WDFY3: variants seen among roughly 807,000 people sequenced by gnomAD.
WDFY3 encodes the protein WD repeat and FYVE domain containing 3.
A neutral mutation model predicts 409.6 loss-of-function variants in WDFY3; 66 were observed. The observed-to-expected ratio is 0.16, with a 90% CI of 0.13 to 0.20. The LOEUF is 0.20. WDFY3 is among the 10% of genes least tolerant of loss of function. WDFY3 has a pLI of 1.00. For missense variants in WDFY3, 3,031 were observed against 4,298.1 expected, an observed-to-expected ratio of 0.71 and a Z score of 8.24; for synonymous variants, 1,521 against 1,537.1, an observed-to-expected ratio of 0.99 and a Z score of 0.25.
intron 33 of WDFY3, 93 bp from the exon 34 acceptor site, chr4:84,755,493 A>T (rs563568745): frequency 7.0e-7 from 1 of 1,431,900 alleles, no homozygotes; most frequent in East Asian, 2.4e-5. Flanking sequence ...CTTTGAAACT[A>T]GTTTTTTGTT....
chr4:84,927,688 G>A (rs1462836014), intron 2 of WDFY3, among the ~76,000 whole-genome samples: 1 of 152,134 alleles, frequency 6.6e-6, no homozygotes, highest in Non-Finnish European at 1.5e-5. Flanking sequence ...GGTTTTATAA[G>A]TGTCTGGCAT....
intron 2 of WDFY3, among the ~76,000 whole-genome samples, chr4:84,911,995 G>T (rs942607003): frequency 6.6e-6 from 1 of 152,182 alleles, no homozygotes; most frequent in African/African-American, 2.4e-5. Flanking sequence ...CTCAAATGTT[G>T]CGAGTATTCA....
intron 19 of WDFY3, 44 bp downstream of exon 19, chr4:84,796,477 G>T: frequency 7.9e-7 from 1 of 1,270,554 alleles, no homozygotes; most frequent in South Asian, 2.1e-5. Flanking sequence ...AGGCAAGTAT[G>T]ACGCATAAAA....
intron 32 of WDFY3, among the ~76,000 whole-genome samples, chr4:84,762,036 A>G (rs1488889099): frequency 1.3e-5 from 2 of 152,190 alleles, no homozygotes; most frequent in African/African-American, 4.8e-5. Context: ...TAGTTCAACC[A>G]TTGTGGAAGT....
intron 21 of WDFY3, among the ~76,000 whole-genome samples, chr4:84,791,384 G>A (rs192648427): frequency 3.3e-5 from 5 of 152,110 alleles, no homozygotes; most frequent in Non-Finnish European, 7.4e-5. Context: ...AATGTTGGTC[G>A]CCAAGGGCTT....
intron 45 of WDFY3, 53 bp from the exon 46 acceptor site, chr4:84,724,647 C>A: frequency 6.4e-7 from 1 of 1,573,940 alleles, no homozygotes. Flanking sequence ...AGAATTAAAA[C>A]GTAATATTCT....
intron 16 of WDFY3, among the ~76,000 whole-genome samples, chr4:84,802,622 A>G (rs1295752660): frequency 6.6e-6 from 1 of 152,208 alleles, no homozygotes; most frequent in African/African-American, 2.4e-5. Flanking sequence ...CATTCAGATA[A>G]GTAACTTGCT....
rs756084147 is a variant in WDFY3 at position 84,704,303 on chromosome 4, T to C, written c.8442+35A>G. The C allele has an allele frequency of 4.1e-6, 6 of 1,459,628 alleles. No homozygotes were observed. In the South Asian group the frequency reaches 7.4e-5, roughly 18 times the overall value. The allele number at this position is 1,459,628 out of a possible 1,614,324, so 90.4% of individuals were successfully genotyped here. On this transcript the variant is annotated intron_variant, in intron 55 of 67. Coordinates refer to ENST00000295888, the MANE Select transcript of WDFY3 (RefSeq NM_014991.6). ...GACATTTTAGATAGAAGTAGGCTTG[T>C]ATAAAATAGAAAAACCCCAAATTTA...
intron 1 of WDFY3, among the ~76,000 whole-genome samples, chr4:84,962,437 T>C (rs906627055): frequency 2.0e-4 from 31 of 152,138 alleles, no homozygotes; most frequent in African/African-American, 7.5e-4. Context: ...CCAGACGAGA[T>C]AAAACTTTAA....
chr4:84,770,745 G>A (rs1188973486), intron 30 of WDFY3, among the ~76,000 whole-genome samples: 1 of 152,122 alleles, frequency 6.6e-6, no homozygotes, highest in African/African-American at 2.4e-5. Flanking sequence ...CTTACTCTAA[G>A]AGCTACTTCC....
At chr4:84,695,323 G>A (rs1729906179) in intron 58 of WDFY3, among the ~76,000 whole-genome samples, 1 of 152,038 alleles carries the variant, frequency 6.6e-6, no homozygotes. Flanking sequence ...CACTCCTATG[G>A]CACGTGCTCT....
At chr4:84,775,981 T>C (rs1217265004) in intron 27 of WDFY3, among the ~76,000 whole-genome samples, 1 of 151,254 alleles carries the variant, frequency 6.6e-6, no homozygotes, top group Non-Finnish European at 1.5e-5. Context: ...GGCAGAAAAA[T>C]TACACAAGAT....
chr4:84,709,145 C>T, intron 52 of WDFY3, 117 bp from the exon 53 acceptor site: 1 of 1,437,790 alleles, frequency 7.0e-7, no homozygotes, highest in Non-Finnish European at 9.4e-7. Flanking sequence ...GATTTCAGAA[C>T]AATGAAATAC....
At chr4:84,886,601 T>C (rs2046404) in intron 3 of WDFY3, 59,332 of 151,978 alleles carry the variant, frequency 0.39, 11,933 homozygotes, top group Admixed American at 0.47. Flanking sequence ...AAATTTCATC[T>C]GCTTAGCAAG....
intron 26 of WDFY3, 95 bp from the exon 27 acceptor site, chr4:84,778,750 T>TAC: frequency 8.1e-7 from 1 of 1,239,778 alleles, no homozygotes; most frequent in Non-Finnish European, 1.1e-6. Flanking sequence ...AACACACACA[T>TAC]ACACACACAA....
At chr4:84,915,904 A>G (rs1768417096) in intron 2 of WDFY3, among the ~76,000 whole-genome samples, 1 of 152,180 alleles carries the variant, frequency 6.6e-6, no homozygotes, top group Non-Finnish European at 1.5e-5. Context: ...CCAATTACTT[A>G]CCATGTTGTT....
intron 2 of WDFY3, among the ~76,000 whole-genome samples, chr4:84,919,327 C>A (rs575955274): frequency 6.6e-5 from 10 of 152,172 alleles, no homozygotes; most frequent in African/African-American, 2.4e-4. Context: ...GAGAGTAAAT[C>A]ATTATTTTGC....
chr4:84,885,744 T>A (rs1764133238), intron 3 of WDFY3, among the ~76,000 whole-genome samples: 1 of 152,146 alleles, frequency 6.6e-6, no homozygotes, highest in South Asian at 2.1e-4. Context: ...TTAGCAACAA[T>A]CAGAAAGCTG....
chr4:84,824,077 C>A (rs1754486415), intron 10 of WDFY3, among the ~76,000 whole-genome samples: 4 of 152,070 alleles, frequency 2.6e-5, no homozygotes, highest in Non-Finnish European at 5.9e-5. Flanking sequence ...TAATACCCAG[C>A]ATTAAAAAGG....
Sources: allele counts gnomAD v4.1 joint callset (sites outside exome capture counted in the v4.1 genomes callset), GRCh38; gene constraint gnomAD v4.1.1; transcripts MANE v1.5; gene names NCBI Gene and HGNC (gene_info 2026-07-23, HGNC 2026-07-21).